PTPN14: variants seen among roughly 807,000 people sequenced by gnomAD.
PTPN14 encodes tyrosine-protein phosphatase non-receptor type 14.
In PTPN14, 53 loss-of-function variants were observed where a neutral mutation model predicts 126.8. The ratio of observed to expected loss-of-function variants is 0.42; its 90% confidence interval spans 0.34 to 0.53. The LOEUF is 0.53. Ranked by LOEUF, PTPN14 falls within the 20% of genes least tolerant of loss-of-function variation. The probability of loss-of-function intolerance (pLI) is 0.08; values close to 1 mark genes in which losing one functional copy is unlikely to be tolerated. For synonymous variants in PTPN14, 630 were observed against 599.3 expected, an observed-to-expected ratio of 1.05 and a Z score of -0.75; for missense variants, 1,257 against 1,552.9, an observed-to-expected ratio of 0.81 and a Z score of 3.20.
At chr1:214,503,330 G>T (rs115333239) in intron 1 of PTPN14, among the ~76,000 whole-genome samples, 1 of 152,132 alleles carries the variant, frequency 6.6e-6, no homozygotes, top group African/African-American at 2.4e-5. Flanking sequence ...TAGGAAAGAC[G>T]TTGACTTCTT....
Position 214,372,795 on chromosome 1 carries a change from C to T in PTPN14, c.2952G>A (p.Gly984=). The part of the protein sequence containing the change: ...GAEWHYIATQ[G]PLPHTCHDFW... ...AGTCGTGGCACGTGTGTGGCAGGGG[C>T]CCCTGGGTGGCTATGTAGTGCCATT... The change falls in exon 16 of 19, where the codon GGG becomes GGA. Residue 984 remains glycine (G), a synonymous_variant. Transcript: ENST00000366956. 2.5e-6 allele frequency: 4 copies of T among 1,614,158 alleles called. No homozygotes were observed. Among genetic ancestry groups the T allele is most frequent in the Non-Finnish European group, 1.7e-6 (2 of 1,180,014 alleles).
At chr1:214,477,444 A>AC (rs913253030) in intron 1 of PTPN14, among the ~76,000 whole-genome samples, 7 of 152,056 alleles carry the variant, frequency 4.6e-5, no homozygotes, top group African/African-American at 1.4e-4. Context: ...ACACACACAT[A>AC]CCCCACACTA....
At chr1:214,521,740 C>CAA (rs1018925103) in intron 1 of PTPN14, among the ~76,000 whole-genome samples, 1 of 151,812 alleles carries the variant, frequency 6.6e-6, no homozygotes, top group Non-Finnish European at 1.5e-5. Flanking sequence ...CACACACACA[C>CAA]ACACGAACAA....
At chr1:214,490,968 G>T (rs1197188661) in intron 1 of PTPN14, among the ~76,000 whole-genome samples, 1 of 58,152 alleles carries the variant, frequency 1.7e-5, no homozygotes, top group Non-Finnish European at 5.0e-5. Flanking sequence ...AAGGAAGGAA[G>T]GGAAGGAAAG....
At chr1:214,425,765 C>A (rs1659647680) in intron 3 of PTPN14, among the ~76,000 whole-genome samples, 1 of 152,046 alleles carries the variant, frequency 6.6e-6, no homozygotes, top group South Asian at 2.1e-4. Context: ...GAAATCAGAG[C>A]CTTCAAATAG....
At chr1:214,518,404 A>G (rs896826900) in intron 1 of PTPN14, among the ~76,000 whole-genome samples, 7 of 152,218 alleles carry the variant, frequency 4.6e-5, no homozygotes, top group Non-Finnish European at 8.8e-5. Context: ...TCACATCTTC[A>G]TTTCATTAAG....
intron 5 of PTPN14, among the ~76,000 whole-genome samples, chr1:214,408,742 G>A (rs1659228459): frequency 6.6e-6 from 1 of 152,188 alleles, no homozygotes; most frequent in Admixed American, 6.5e-5. Context: ...TTAAGGAAAG[G>A]AAGAGCTCTC....
At chr1:214,404,263 T>C (rs1659108288) in intron 5 of PTPN14, among the ~76,000 whole-genome samples, 1 of 152,210 alleles carries the variant, frequency 6.6e-6, no homozygotes, top group Non-Finnish European at 1.5e-5. Flanking sequence ...TCCTGCTAAT[T>C]CTAGAGTTCA....
At chr1:214,538,627 T>C (rs1165438139) in intron 1 of PTPN14, among the ~76,000 whole-genome samples, 1 of 152,158 alleles carries the variant, frequency 6.6e-6, no homozygotes, top group African/African-American at 2.4e-5. Context: ...ACAAAACAAT[T>C]TGAACAGAGG....
At chr1:214,538,937 A>G (rs866035940) in intron 1 of PTPN14, among the ~76,000 whole-genome samples, 1 of 152,254 alleles carries the variant, frequency 6.6e-6, no homozygotes, top group African/African-American at 2.4e-5. Context: ...TAAAGACATT[A>G]AACTAAATGC....
At chr1:214,369,010 C>T (rs1322895367) in intron 17 of PTPN14, among the ~76,000 whole-genome samples, 2 of 152,126 alleles carry the variant, frequency 1.3e-5, no homozygotes, top group African/African-American at 4.8e-5. Flanking sequence ...TCCCAATCCC[C>T]CTTTGCCCCA....
At chr1:214,464,203 AT>A (rs1473368647) in intron 2 of PTPN14, among the ~76,000 whole-genome samples, 3 of 127,404 alleles carry the variant, frequency 2.4e-5, no homozygotes, top group African/African-American at 8.9e-5. Flanking sequence ...TTAGAGGAAA[AT>A]ATAGAAACAA....
At chr1:214,398,729 G>A (rs568187836) in intron 7 of PTPN14, among the ~76,000 whole-genome samples, 25 of 149,792 alleles carry the variant, frequency 1.7e-4, no homozygotes, top group East Asian at 5.9e-4. Flanking sequence ...CACTGTGCCC[G>A]GCAACAATGT....
At chr1:214,398,088 G>A in intron 7 of PTPN14, 87 bp from the exon 8 acceptor site, 6 of 1,069,882 alleles carry the variant, frequency 5.6e-6, no homozygotes, top group Admixed American at 1.8e-5. Context: ...ATCGACCTGA[G>A]TGTCCATCCA....
intron 3 of PTPN14, among the ~76,000 whole-genome samples, chr1:214,436,786 CAAAAAAAAAAA>C (rs1159209240): frequency 4.7e-4 from 22 of 46,662 alleles, no homozygotes; most frequent in South Asian, 4.0e-3. Context: ...GACTCCGTCT[CAAAAAAAAAAA>C]AAAAAAAAAA....
intron 1 of PTPN14, among the ~76,000 whole-genome samples, chr1:214,465,442 T>G (rs1200437991): frequency 2.6e-5 from 4 of 151,972 alleles, no homozygotes; most frequent in African/African-American, 4.8e-5. Flanking sequence ...AGACCCTGTC[T>G]CTACAAAAAA....
intron 8 of PTPN14, among the ~76,000 whole-genome samples, chr1:214,396,358 G>C (rs1156552044): frequency 6.6e-6 from 1 of 152,106 alleles, no homozygotes; most frequent in Non-Finnish European, 1.5e-5. Context: ...AATGTTTTTA[G>C]GTACCTCTGC....
chr1:214,445,246 A>G (rs574577002), intron 3 of PTPN14, among the ~76,000 whole-genome samples: 2 of 152,304 alleles, frequency 1.3e-5, no homozygotes, highest in South Asian at 4.1e-4. Context: ...AGCATCCACC[A>G]GATAGAGGGT....
At chr1:214,410,523 C>T (rs142274445) in intron 5 of PTPN14, among the ~76,000 whole-genome samples, 1 of 152,222 alleles carries the variant, frequency 6.6e-6, no homozygotes, top group Admixed American at 6.5e-5. Flanking sequence ...CACCTTTTGA[C>T]CTTGTGATCC....
Sources: gnomAD v4.1 joint callset for allele counts (sites outside exome capture counted in the v4.1 genomes callset) on GRCh38, gnomAD v4.1.1 for gene constraint, MANE v1.5 for transcripts, NCBI Gene and HGNC (gene_info 2026-07-23, HGNC 2026-07-21) for gene names.